ZNF385D: variants seen among roughly 807,000 people sequenced by gnomAD.
The protein encoded by ZNF385D is zinc finger protein 385D, also known as zinc finger protein 659.
Under a neutral mutation model 35.8 loss-of-function variants are expected in ZNF385D, and 15 were observed. The ratio of observed to expected loss-of-function variants is 0.42; its 90% CI spans 0.28 to 0.64. ZNF385D has a LOEUF of 0.64. Among genes scored for constraint, ZNF385D ranks in the 30% least tolerant of loss-of-function variants. ZNF385D has a pLI of 0.23. For missense variants in ZNF385D, 474 were observed against 494.6 expected (o/e 0.96, Z 0.39); for synonymous variants, 212 against 186.8 (o/e 1.13, Z -1.10).
chr3:22,187,925 A>G (rs115490589), intron 2 of ZNF385D, among the ~76,000 whole-genome samples: 4 of 152,064 alleles, frequency 2.6e-5, no homozygotes, highest in Non-Finnish European at 4.4e-5. Flanking sequence ...GAATGTCCAC[A>G]CTCTACTCTC....
At chr3:22,283,729 A>G (rs530582417) in intron 2 of ZNF385D, among the ~76,000 whole-genome samples, 1 of 152,118 alleles carries the variant, frequency 6.6e-6, no homozygotes, top group Non-Finnish European at 1.5e-5. Context: ...TAAATGTGTG[A>G]TGTGCTCAGT....
Position 21,832,665 on chromosome 3 carries a change from G to A in ZNF385D, c.326-167637C>T, listed in dbSNP as rs74710259. 5.3e-3 allele frequency among the ~76,000 whole-genome samples: 806 copies of A among 152,178 alleles called. 8 individuals carry two copies. Among genetic ancestry groups the A allele is most frequent in the East Asian group, 0.032 (167 of 5,164 alleles). On this transcript the variant is annotated intron_variant, in intron 3 of 5. Transcript: ENST00000494108. ...TCTTGGATCAGTTCAATGACAAAAC[G>A]GGCTGAATGGTAAGGTCATGCCATC...
chr3:21,719,950 T>C (rs1018967019), intron 1 of ZNF385D, among the ~76,000 whole-genome samples: 1 of 152,220 alleles, frequency 6.6e-6, no homozygotes, highest in African/African-American at 2.4e-5. Context: ...TCAGATGATT[T>C]CACTTCTCTT....
At chr3:22,367,776 C>T (rs574269272) in intron 2 of ZNF385D, among the ~76,000 whole-genome samples, 27 of 152,028 alleles carry the variant, frequency 1.8e-4, no homozygotes, top group African/African-American at 5.3e-4. Context: ...ATACAAATTG[C>T]GGAGAATAAC....
intron 3 of ZNF385D, among the ~76,000 whole-genome samples, chr3:22,134,558 A>AT (rs986543467): frequency 6.6e-6 from 1 of 152,142 alleles, no homozygotes; most frequent in African/African-American, 2.4e-5. Flanking sequence ...CAGAATACAT[A>AT]TTTTTTCAAG....
chr3:21,992,816 A>C (rs941844888), intron 3 of ZNF385D, among the ~76,000 whole-genome samples: 3 of 152,170 alleles, frequency 2.0e-5, no homozygotes, highest in African/African-American at 7.2e-5. Flanking sequence ...CTAGTCCCTC[A>C]GATATTTTGA....
chr3:22,190,643 T>G (rs1038730329), intron 2 of ZNF385D, among the ~76,000 whole-genome samples: 1 of 152,206 alleles, frequency 6.6e-6, no homozygotes. Flanking sequence ...AATCTGGTAT[T>G]GAAGGAAAAT....
At chr3:22,104,320 G>T (rs866279297) in intron 3 of ZNF385D, among the ~76,000 whole-genome samples, 4 of 151,432 alleles carry the variant, frequency 2.6e-5, no homozygotes, top group Non-Finnish European at 4.4e-5. Flanking sequence ...GCTACCAAAG[G>T]CTCCTTGAAA....
chr3:22,345,581 C>T (rs1427102481), intron 2 of ZNF385D, among the ~76,000 whole-genome samples: 1 of 152,122 alleles, frequency 6.6e-6, no homozygotes, highest in Non-Finnish European at 1.5e-5. Flanking sequence ...GAACGTCAAA[C>T]AATAACGAAG....
intron 3 of ZNF385D, among the ~76,000 whole-genome samples, chr3:21,982,125 T>C (rs1287847806): frequency 2.0e-5 from 3 of 151,554 alleles, no homozygotes; most frequent in Non-Finnish European, 4.4e-5. Flanking sequence ...CACTGGTAGT[T>C]TGATAGGAGT....
chr3:22,266,622 C>A (rs1002055601), intron 2 of ZNF385D, among the ~76,000 whole-genome samples: 4 of 151,790 alleles, frequency 2.6e-5, no homozygotes, highest in South Asian at 4.1e-4. Context: ...CAGTCAAAGG[C>A]TAAATTGAAT....
At chr3:22,182,594 C>T (rs1165500742) in intron 2 of ZNF385D, among the ~76,000 whole-genome samples, 2 of 151,366 alleles carry the variant, frequency 1.3e-5, no homozygotes, top group Non-Finnish European at 2.9e-5. Flanking sequence ...GTATCACTAT[C>T]GAATTTGACT....
intron 2 of ZNF385D, among the ~76,000 whole-genome samples, chr3:22,255,361 T>C (rs1260319951): frequency 6.6e-6 from 1 of 151,664 alleles, no homozygotes; most frequent in African/African-American, 2.4e-5. Context: ...CAGACAAATA[T>C]ATTATTGTTT....
In ZNF385D at chr3:22,174,410, C is replaced by A. The variant is rs182244539; in HGVS notation, c.107-5375G>T. On this transcript the variant is annotated intron_variant, in intron 2 of 5. Coordinates refer to the ZNF385D transcript ENST00000494108. Reference sequence around the variant, plus strand: ...AACGTCTGTAGATGACAGCCACTAACAGACAGTTTAGTGCACAATAAACCA... The same window carrying A: ...AACGTCTGTAGATGACAGCCACTAAAAGACAGTTTAGTGCACAATAAACCA... Among the ~76,000 whole-genome samples the A allele has an allele frequency of 9.0e-3, 1,364 of 151,840 alleles. 4 individuals carry two copies. The highest frequency in any genetic ancestry group is 0.016 in the Non-Finnish European group (1,093 of 68,016).
intron 2 of ZNF385D, among the ~76,000 whole-genome samples, chr3:22,200,892 G>T (rs2728973): frequency 0.34 from 50,974 of 151,944 alleles, 8,663 homozygotes; most frequent in Middle Eastern, 0.48. Flanking sequence ...CGGTCAGAGT[G>T]TAAGGTTATC....
chr3:21,549,784 T>TAACA (rs1265243154), intron 3 of ZNF385D, among the ~76,000 whole-genome samples: 1 of 152,196 alleles, frequency 6.6e-6, no homozygotes, highest in Non-Finnish European at 1.5e-5. Flanking sequence ...TCTTGGAGAC[T>TAACA]AACACAGGAC....
intron 4 of ZNF385D, among the ~76,000 whole-genome samples, chr3:21,497,641 G>A (rs1443218575): frequency 6.6e-6 from 1 of 152,038 alleles, no homozygotes. Flanking sequence ...TTGAGGCCAG[G>A]TGTTTGAGAC....
Position 22,333,405 on chromosome 3 carries a change from A to G in ZNF385D, c.106+39045T>C, listed in dbSNP as rs546650533. On this transcript the variant is annotated intron_variant, in intron 2 of 5. Coordinates refer to the ZNF385D transcript ENST00000494108. ...TTTCTTCTGTGATTTTATGACATAA[A>G]TGTTAAATTGACTTTTCGGTATGGT... 5.3e-5 allele frequency among the ~76,000 whole-genome samples: 8 copies of G among 152,272 alleles called. No individual in the cohort carries two copies. In the East Asian group the frequency reaches 1.3e-3, roughly 26 times the overall value.
intron 3 of ZNF385D, among the ~76,000 whole-genome samples, chr3:21,535,216 G>C (rs369923400): frequency 3.3e-5 from 5 of 152,062 alleles, no homozygotes; most frequent in East Asian, 1.9e-4. Flanking sequence ...GTTACTCTAG[G>C]TATGAATGAT....
Sources: allele counts gnomAD v4.1 joint callset (sites outside exome capture counted in the v4.1 genomes callset), GRCh38; gene constraint gnomAD v4.1.1; transcripts MANE v1.5; gene names NCBI Gene and HGNC (gene_info 2026-07-23, HGNC 2026-07-21).